The following TRIM21 variants were observed in gnomAD, a reference collection of about 807,000 sequenced individuals.
The protein encoded by TRIM21 is tripartite motif containing 21, also known as E3 ubiquitin-protein ligase TRIM21.
Under a neutral mutation model 36.1 loss-of-function variants are expected in TRIM21, and 35 were observed. The observed-to-expected ratio is 0.97, with a 90% CI of 0.74 to 1.28. The LOEUF (loss-of-function observed/expected upper bound fraction) is 1.28. TRIM21 is among the 50% of genes most tolerant of loss of function. The probability of loss-of-function intolerance (pLI) is 0.00; values close to 1 mark genes in which losing one functional copy is unlikely to be tolerated. For missense variants in TRIM21, 635 were observed against 570.7 expected, an observed-to-expected ratio of 1.11 and a Z score of -1.15; for synonymous variants, 256 against 211.5, an observed-to-expected ratio of 1.21 and a Z score of -1.83.
Position 4,385,441 on chromosome 11 carries a change from AG to A in TRIM21, c.1271del (p.Thr424MetfsTer37), listed in dbSNP as rs1459676719. The A allele has an allele frequency of 6.2e-7, 1 of 1,613,548 alleles. No homozygotes were observed. Among genetic ancestry groups the A allele is most frequent in the Non-Finnish European group, 8.5e-7 (1 of 1,179,722 alleles). ...AGGAGTAGATGAGGGAGCCATGGTCAGTGATGTTGTAGAAGGAGACCATGCC... is the reference window on the plus strand; with the variant it reads ...AGGAGTAGATGAGGGAGCCATGGTCATGATGTTGTAGAAGGAGACCATGCC... ...EAGMVSFYNI[T>X]DHGSLIYSFS... On this transcript the variant is annotated frameshift_variant, in exon 7 of 7. Transcript: ENST00000254436. LOFTEE classifies it low-confidence loss of function (END_TRUNC).
At chr11:4,391,845 G>GTTT (rs2094963343) in intron 1 of TRIM21, among the ~76,000 whole-genome samples, 1 of 152,114 alleles carries the variant, frequency 6.6e-6, no homozygotes, top group Non-Finnish European at 1.5e-5. Flanking sequence ...AACATTGTAT[G>GTTT]GTCTCACTCA....
chr11:4,388,585 G>T, intron 3 of TRIM21, 55 bp from the exon 4 acceptor site: 1 of 1,550,452 alleles, frequency 6.4e-7, no homozygotes, highest in South Asian at 1.1e-5. Context: ...CCCAAGCTTT[G>T]GGAATGGAGG....
chr11:4,385,190 G>A lies in TRIM21; in HGVS notation c.*95C>T, dbSNP rs913478237. 43 of 1,260,832 alleles carry A rather than the reference G, an allele frequency of 3.4e-5. No individual in the cohort carries two copies. The highest frequency in any genetic ancestry group is 4.5e-5 in the Non-Finnish European group (41 of 919,100). The allele number at this position is 1,260,832 out of a possible 1,614,324, so 78.1% of individuals were successfully genotyped here. ...GCTGGGATCCGGATGCCTCTGCAGA[G>A]ACAAAGGTGGTTCAGAGTTCATGGG... On this transcript the variant is annotated 3_prime_UTR_variant, in exon 7 of 7. Transcript: ENST00000254436.
chr11:4,392,131 C>A (rs2094963694), intron 1 of TRIM21, among the ~76,000 whole-genome samples: 1 of 151,798 alleles, frequency 6.6e-6, no homozygotes, highest in African/African-American at 2.4e-5. Context: ...GCCCCACTTA[C>A]CCTGATGTGA....
chr11:4,393,374 C>A (rs942622519), intron 1 of TRIM21, among the ~76,000 whole-genome samples: 1 of 151,766 alleles, frequency 6.6e-6, no homozygotes, highest in Admixed American at 6.6e-5. Flanking sequence ...CACAACCCAG[C>A]CTCCTCCCAG....
At position 4,386,985 on chromosome 11, in the gene TRIM21, C is replaced by T; in HGVS notation, c.741G>A (p.Val247=). The T allele has an allele frequency of 6.3e-7, 1 of 1,581,506 alleles. No individual in the cohort carries two copies. The change falls in exon 5 of 7, where the codon GTG becomes GTA. Residue 247 remains valine, a synonymous_variant. Transcript: ENST00000254436. The part of the protein sequence containing the change: ...HSSALELLQE[V]IIVLERSESW... ...CTCCTTACCTTTCCAGGACAATTAT[C>T]ACCTCCTGAGGAGAAAAGAGACAGA...
rs1197650992 is a variant in TRIM21 at position 4,385,228 on chromosome 11, G to C, written c.*57C>G. 4.7e-6 allele frequency: 7 copies of C among 1,502,974 alleles called. No homozygotes were observed. Among genetic ancestry groups the C allele is most frequent in the African/African-American group, 1.4e-5 (1 of 72,138 alleles). 93.1% of individuals were successfully genotyped at this position (1,502,974 alleles called of 1,614,324 possible). On this transcript the variant is annotated 3_prime_UTR_variant, in exon 7 of 7. Coordinates refer to ENST00000254436, the MANE Select transcript of TRIM21 (RefSeq NM_003141.4). ...CAGAGTTCATGGGGAAAAGAGGCAG[G>C]GTTTGTGGCTGAGAAGCGGTGCCAA...
At chr11:4,393,233 T>C (rs2094965158) in intron 1 of TRIM21, among the ~76,000 whole-genome samples, 3 of 152,150 alleles carry the variant, frequency 2.0e-5, no homozygotes, top group Non-Finnish European at 4.4e-5. Context: ...TCCCCGACAC[T>C]GGGCTCCCTA....
intron 2 of TRIM21, 94 bp downstream of exon 2, chr11:4,389,908 C>G (rs1416379011): frequency 6.5e-7 from 1 of 1,537,032 alleles, no homozygotes; most frequent in South Asian, 1.2e-5. Flanking sequence ...AGAGGTAAAC[C>G]CCTCCTTTCT....
intron 1 of TRIM21, among the ~76,000 whole-genome samples, chr11:4,392,230 A>G (rs1404372671): frequency 1.3e-5 from 2 of 152,126 alleles, no homozygotes; most frequent in African/African-American, 4.8e-5. Context: ...AATATACTAA[A>G]AAAAGAAAAA....
chr11:4,386,319 A>C, intron 5 of TRIM21, 62 bp from the exon 6 acceptor site: 3 of 1,339,114 alleles, frequency 2.2e-6, no homozygotes, highest in Non-Finnish European at 3.2e-6. Context: ...TAACACTATA[A>C]CCTCCATTGT....
intron 1 of TRIM21, among the ~76,000 whole-genome samples, chr11:4,392,811 A>G (rs943110555): frequency 2.0e-5 from 3 of 152,142 alleles, no homozygotes; most frequent in African/African-American, 7.2e-5. Flanking sequence ...TACTCTCATC[A>G]TGTCCATTCC....
chr11:4,385,026 A>C lies in TRIM21; in HGVS notation c.*259T>G. 1 of 438,772 alleles carries C rather than the reference A, an allele frequency of 2.3e-6. No homozygotes were observed. Among genetic ancestry groups the C allele is most frequent in the Non-Finnish European group, 4.0e-6 (1 of 249,172 alleles). 27.2% of individuals were successfully genotyped at this position (438,772 alleles called of 1,614,324 possible). A position where few individuals can be genotyped will look rare whatever the true frequency, so the allele number is the denominator to read the frequency against. On this transcript the variant is annotated 3_prime_UTR_variant, in exon 7 of 7. Coordinates refer to ENST00000254436, the MANE Select transcript of TRIM21 (RefSeq NM_003141.4). ...AGAAAAAAAAAACTTAAGTCCCATA[A>C]AGAAGGCAGAAACATGTTTTTGGTT... is the stretch of plus-strand genomic sequence containing the variant.
rs773455912 is a variant in TRIM21 at position 4,385,255 on chromosome 11, G to T, written c.*30C>A. The T allele has an allele frequency of 3.2e-6, 5 of 1,576,654 alleles. No homozygotes were observed. In the South Asian group the frequency reaches 3.5e-5, roughly 11 times the overall value. On this transcript the variant is annotated 3_prime_UTR_variant, in exon 7 of 7. Coordinates refer to ENST00000254436, the MANE Select transcript of TRIM21 (RefSeq NM_003141.4). Reference sequence around the variant, plus strand: ...TTTGTGGCTGAGAAGCGGTGCCAATGGGGAGAGTGGCAGTGTCCAGAGAAA... The same window carrying T: ...TTTGTGGCTGAGAAGCGGTGCCAATTGGGAGAGTGGCAGTGTCCAGAGAAA...
rs1030051523 is a variant in TRIM21 at position 4,386,857 on chromosome 11, G to A, written c.758+111C>T. 6.9e-5 allele frequency: 78 copies of A among 1,133,754 alleles called. No individual in the cohort carries two copies. In the Middle Eastern group the frequency reaches 1.2e-3, roughly 17 times the overall value. 70.2% of individuals were successfully genotyped at this position (1,133,754 alleles called of 1,614,324 possible). A position where few individuals can be genotyped will look rare whatever the true frequency, so the allele number is the denominator to read the frequency against. On this transcript the variant is annotated intron_variant, in intron 5 of 6. Transcript: ENST00000254436. ...TAGAGAATGAAGTTTTTGAGAATAG[G>A]AAGCCAGATGGGGAAAACTTCAGTG...
chr11:4,387,754 C>T (rs533811309), intron 4 of TRIM21, among the ~76,000 whole-genome samples: 82 of 152,160 alleles, frequency 5.4e-4, no homozygotes, highest in African/African-American at 1.8e-3. Context: ...TCGCTTGAAC[C>T]CGGGAGGCGG....
At chr11:4,390,895 C>T (rs1200499701) in intron 1 of TRIM21, among the ~76,000 whole-genome samples, 1 of 152,192 alleles carries the variant, frequency 6.6e-6, no homozygotes, top group African/African-American at 2.4e-5. Flanking sequence ...AAACTACACT[C>T]CTATGTCTCA....
chr11:4,386,835 A>G, intron 5 of TRIM21, 133 bp downstream of exon 5: 1 of 874,924 alleles, frequency 1.1e-6, no homozygotes, highest in Non-Finnish European at 1.7e-6. Context: ...TATTTTATAG[A>G]GAATGAAGTT....
intron 5 of TRIM21, 175 bp from the exon 6 acceptor site, chr11:4,386,432 T>C (rs1030770230): frequency 1.5e-6 from 1 of 667,356 alleles, no homozygotes; most frequent in Non-Finnish European, 2.7e-6. Flanking sequence ...ATTTAGTTTC[T>C]ACCCAGGAGT....
Sources: allele counts gnomAD v4.1 joint callset (sites outside exome capture counted in the v4.1 genomes callset), GRCh38; gene constraint gnomAD v4.1.1; transcripts MANE v1.5; gene names NCBI Gene and HGNC (gene_info 2026-07-23, HGNC 2026-07-21).